BRINP3: variants seen among roughly 807,000 people sequenced by gnomAD.
The protein encoded by BRINP3 is BMP/retinoic acid inducible neural specific 3.
BRINP3 carries 19 observed loss-of-function variants against 71.0 expected under a neutral mutation model. That is an observed-to-expected ratio of 0.27 (90% CI 0.19 to 0.39). BRINP3 has a LOEUF of 0.39. BRINP3 is among the 10% of genes least tolerant of loss of function. BRINP3 has a pLI of 1.00. For missense variants in BRINP3, 959 were observed against 940.8 expected, an observed-to-expected ratio of 1.02 and a Z score of -0.25; for synonymous variants, 380 against 337.7, an observed-to-expected ratio of 1.13 and a Z score of -1.37.
chr1:190,143,702 A>G (rs1655647944), intron 7 of BRINP3, among the ~76,000 whole-genome samples: 1 of 152,050 alleles, frequency 6.6e-6, no homozygotes, highest in African/African-American at 2.4e-5. Context: ...AATGGTATCA[A>G]CTCTTACACT....
intron 7 of BRINP3, among the ~76,000 whole-genome samples, chr1:190,135,890 T>C (rs1654932782): frequency 6.6e-6 from 1 of 152,116 alleles, no homozygotes; most frequent in Non-Finnish European, 1.5e-5. Context: ...CTAACTCTCT[T>C]ATCTCTATAC....
chr1:190,272,854 A>G (rs1662227566), intron 3 of BRINP3, among the ~76,000 whole-genome samples: 1 of 151,510 alleles, frequency 6.6e-6, no homozygotes, highest in East Asian at 1.9e-4. Context: ...TGCAGTTTAA[A>G]TCACCATAAT....
chr1:190,288,263 A>C (rs989899903), intron 2 of BRINP3, among the ~76,000 whole-genome samples: 4 of 151,956 alleles, frequency 2.6e-5, no homozygotes, highest in African/African-American at 9.7e-5. Flanking sequence ...AGAGGCATAG[A>C]CATATCTGAG....
chr1:190,389,292 C>T (rs546420983), intron 2 of BRINP3, among the ~76,000 whole-genome samples: 1 of 151,820 alleles, frequency 6.6e-6, no homozygotes, highest in South Asian at 2.1e-4. Flanking sequence ...TCCCTCCATT[C>T]CCCCATTTCT....
At chr1:190,138,024 G>T (rs1032217828) in intron 7 of BRINP3, among the ~76,000 whole-genome samples, 1 of 151,764 alleles carries the variant, frequency 6.6e-6, no homozygotes, top group Admixed American at 6.6e-5. Flanking sequence ...GCATGAGCTC[G>T]GCTCACCGCA....
intron 2 of BRINP3, among the ~76,000 whole-genome samples, chr1:190,439,179 T>A (rs1033858555): frequency 1.3e-5 from 2 of 151,836 alleles, no homozygotes; most frequent in Admixed American, 1.3e-4. Context: ...AAAATAAATG[T>A]AACTTACCCT....
At chr1:190,437,419 C>T (rs1674536224) in intron 2 of BRINP3, among the ~76,000 whole-genome samples, 1 of 151,748 alleles carries the variant, frequency 6.6e-6, no homozygotes, top group Admixed American at 6.6e-5. Context: ...TCACTTAATC[C>T]TTCTTTTGCT....
intron 2 of BRINP3, among the ~76,000 whole-genome samples, chr1:190,373,588 A>G (rs1670006299): frequency 6.6e-6 from 1 of 151,640 alleles, no homozygotes; most frequent in Non-Finnish European, 1.5e-5. Context: ...AATGGATAGA[A>G]TATATTTCTA....
At chr1:190,314,225 TGG>T (rs1665729124) in intron 2 of BRINP3, among the ~76,000 whole-genome samples, 1 of 152,068 alleles carries the variant, frequency 6.6e-6, no homozygotes, top group African/African-American at 2.4e-5. Context: ...GGAACAGCTT[TGG>T]AAACATATTG....
At chr1:190,160,911 ACAC>A (rs1459754254) in intron 6 of BRINP3, 21 bp from the exon 7 acceptor site, 1 of 1,529,786 alleles carries the variant, frequency 6.5e-7, no homozygotes. Context: ...TCAAAATTCA[ACAC>A]TTTAATTATG....
chr1:190,310,756 C>G (rs928357804), intron 2 of BRINP3, among the ~76,000 whole-genome samples: 1 of 151,656 alleles, frequency 6.6e-6, no homozygotes, highest in Non-Finnish European at 1.5e-5. Flanking sequence ...AAGCCTCCAC[C>G]TTTTCTCCAA....
At chr1:190,113,964 CTA>C (rs1448688460) in intron 7 of BRINP3, among the ~76,000 whole-genome samples, 1 of 152,126 alleles carries the variant, frequency 6.6e-6, no homozygotes, top group Non-Finnish European at 1.5e-5. Flanking sequence ...CTCAGGAATC[CTA>C]TGTGTCTTCA....
At chr1:190,122,092 G>T (rs1020010032) in intron 7 of BRINP3, among the ~76,000 whole-genome samples, 2 of 152,130 alleles carry the variant, frequency 1.3e-5, no homozygotes, top group Admixed American at 1.3e-4. Flanking sequence ...AACTCCACTT[G>T]TAAGATATAC....
chr1:190,252,384 A>T (rs1344489056), intron 4 of BRINP3, among the ~76,000 whole-genome samples: 8 of 152,072 alleles, frequency 5.3e-5, no homozygotes, highest in Admixed American at 5.3e-4. Flanking sequence ...AAAATAAGGT[A>T]TTTCCAAAAG....
intron 2 of BRINP3, among the ~76,000 whole-genome samples, chr1:190,314,491 A>T (rs530118060): frequency 6.6e-6 from 1 of 152,276 alleles, no homozygotes; most frequent in Non-Finnish European, 1.5e-5. Flanking sequence ...GGAACAAAAG[A>T]GAGAAGCAGA....
At chr1:190,473,153 T>C (rs890643621) in intron 1 of BRINP3, among the ~76,000 whole-genome samples, 1 of 151,872 alleles carries the variant, frequency 6.6e-6, no homozygotes, top group African/African-American at 2.4e-5. Context: ...CAAATATATA[T>C]GTATACACAC....
intron 2 of BRINP3, among the ~76,000 whole-genome samples, chr1:190,425,635 C>G: frequency 6.6e-6 from 1 of 151,844 alleles, no homozygotes; most frequent in Non-Finnish European, 1.5e-5. Flanking sequence ...ACTTCCAGTT[C>G]ACCCCTTTTA....
chr1:190,221,875 T>A (rs999190320), intron 6 of BRINP3, among the ~76,000 whole-genome samples: 1 of 152,132 alleles, frequency 6.6e-6, no homozygotes, highest in Admixed American at 6.6e-5. Flanking sequence ...CAATTATCAA[T>A]AGTTTTATGC....
chr1:190,368,257 T>G (rs1245428224), intron 2 of BRINP3, among the ~76,000 whole-genome samples: 3 of 151,902 alleles, frequency 2.0e-5, no homozygotes, highest in Non-Finnish European at 4.4e-5. Context: ...CAAGGAGAAG[T>G]GCCAAGCAAA....
Sources: allele counts gnomAD v4.1 joint callset (sites outside exome capture counted in the v4.1 genomes callset), GRCh38; gene constraint gnomAD v4.1.1; transcripts MANE v1.5; gene names NCBI Gene and HGNC (gene_info 2026-07-23, HGNC 2026-07-21).